PLCG2: variants seen among roughly 807,000 people sequenced by gnomAD.
PLCG2 encodes the protein 1-phosphatidylinositol 4,5-bisphosphate phosphodiesterase gamma-2.
In PLCG2, 69 loss-of-function variants were observed where a neutral mutation model predicts 175.6. The ratio of observed to expected loss-of-function variants is 0.39; its 90% confidence interval spans 0.32 to 0.48. The LOEUF is 0.48. Ranked by LOEUF, PLCG2 falls within the 20% of genes least tolerant of loss-of-function variation. The probability of loss-of-function intolerance (pLI) is 0.91; values close to 1 mark genes in which losing one functional copy is unlikely to be tolerated. For synonymous variants in PLCG2, 827 were observed against 624.0 expected, an observed-to-expected ratio of 1.33 and a Z score of -4.85; for missense variants, 1,798 against 1,650.9, an observed-to-expected ratio of 1.09 and a Z score of -1.54.
In PLCG2 at chr16:81,939,971, T is replaced by A. The variant is rs754374903; in HGVS notation, c.3393T>A (p.Phe1131Leu). The change falls in exon 30 of 33, where the codon TTT becomes TTA. Residue 1131 changes from phenylalanine (F) to leucine (L), a missense_variant. Physicochemically the swap from Phe to Leu is conservative, Grantham distance 22. Coordinates refer to ENST00000564138, the MANE Select transcript of PLCG2 (RefSeq NM_002661.5). The stretch of plus-strand genomic sequence containing the variant: ...AAATTTATGACCCAAACCTGGCATT[T>A]CTGCGCTTTGTGGTTTATGAAGAAG... Reference protein sequence around the residue: ...TFEIYDPNLAFLRFVVYEEDM... With the variant: ...TFEIYDPNLALLRFVVYEEDM... The A allele has an allele frequency of 5.0e-6, 8 of 1,614,086 alleles. No individual in the cohort carries two copies. Among genetic ancestry groups the A allele is most frequent in the Middle Eastern group, 1.6e-4 (1 of 6,062 alleles).
intron 13 of PLCG2, among the ~76,000 whole-genome samples, chr16:81,899,180 T>TC (rs1471069100): frequency 1.3e-5 from 2 of 151,326 alleles, no homozygotes; most frequent in East Asian, 3.9e-4. Context: ...TGAGTGAAAC[T>TC]CCATTTCCAA....
chr16:81,931,729 G>A, intron 25 of PLCG2, 75 bp downstream of exon 25: 1 of 1,373,254 alleles, frequency 7.3e-7, no homozygotes, highest in South Asian at 1.2e-5. Flanking sequence ...GACTGTGGGT[G>A]GGTCCAGGCA....
chr16:81,911,709 C>G (rs1909631429), intron 18 of PLCG2, among the ~76,000 whole-genome samples: 2 of 150,772 alleles, frequency 1.3e-5, no homozygotes, highest in African/African-American at 4.9e-5. Context: ...CTCCCAGGTT[C>G]AAGAGATTCT....
rs1906949238 is a variant in PLCG2 at position 81,860,935 on chromosome 16, C to T, written c.479+1772C>T. Reference sequence around the variant, plus strand: ...GAGGTTGCAGTGAGCCGAGATCGCGCCACTCTACTGTGGCCTGGGTGACAG... The same window carrying T: ...GAGGTTGCAGTGAGCCGAGATCGCGTCACTCTACTGTGGCCTGGGTGACAG... On this transcript the variant is annotated intron_variant, in intron 5 of 32. Coordinates refer to ENST00000564138, the MANE Select transcript of PLCG2 (RefSeq NM_002661.5). Among the ~76,000 whole-genome samples the T allele has an allele frequency of 2.0e-5, 3 of 152,058 alleles. 1 individual carries two copies. In the South Asian group the frequency reaches 6.2e-4, roughly 32 times the overall value.
chr16:81,755,820 C>G (rs749637906), intron 1 of PLCG2: 1 of 152,324 alleles, frequency 6.6e-6, no homozygotes, highest in South Asian at 2.1e-4. Flanking sequence ...GCCACTGCAC[C>G]CAGCCTCAGC....
chr16:81,795,100 A>C (rs900711366), intron 2 of PLCG2, among the ~76,000 whole-genome samples: 1 of 152,240 alleles, frequency 6.6e-6, no homozygotes, highest in Non-Finnish European at 1.5e-5. Context: ...TGTGTTGGGC[A>C]ATGTGCTTGT....
chr16:81,839,152 C>A (rs1451955493), intron 2 of PLCG2, among the ~76,000 whole-genome samples: 1 of 151,772 alleles, frequency 6.6e-6, no homozygotes, highest in African/African-American at 2.4e-5. Context: ...TTTCTTTTTG[C>A]CAAAAACATA....
At chr16:81,941,279 TC>T (rs1255399684) in intron 30 of PLCG2, among the ~76,000 whole-genome samples, 2 of 152,176 alleles carry the variant, frequency 1.3e-5, no homozygotes, top group Non-Finnish European at 2.9e-5. Flanking sequence ...GTAATCATAA[TC>T]CCAGCTACTT....
intron 2 of PLCG2, among the ~76,000 whole-genome samples, chr16:81,795,622 G>A (rs889857705): frequency 6.6e-6 from 1 of 152,174 alleles, no homozygotes; most frequent in Admixed American, 6.5e-5. Flanking sequence ...GGAAGAGGAA[G>A]AGCAGAGGAT....
intron 9 of PLCG2, 181 bp downstream of exon 9, chr16:81,883,522 G>T: frequency 1.7e-6 from 1 of 605,904 alleles, no homozygotes; most frequent in Non-Finnish European, 3.0e-6. Context: ...ACTTCAGATT[G>T]CTGTCTGATG....
rs144978760 is a variant in PLCG2, at chr16:81,803,065, G to C, written c.193+16883G>C. On this transcript the variant is annotated intron_variant, in intron 2 of 32. Transcript: ENST00000564138. ...CAAATCTACTTTTTGCCTTTACAGA[G>C]TTTCCTATTCTGGACATTTCTCACA... Among the ~76,000 whole-genome samples the C allele has an allele frequency of 6.2e-4, 93 of 149,010 alleles. 1 individual carries two copies. The East Asian group carries it at 0.018, about 28-fold the overall frequency.
chr16:81,762,517 C>T (rs749220060), intron 2 of PLCG2, among the ~76,000 whole-genome samples: 6 of 150,608 alleles, frequency 4.0e-5, no homozygotes, highest in Non-Finnish European at 5.9e-5. Flanking sequence ...TACAGTGAGC[C>T]AAGATTGCAT....
intron 4 of PLCG2, 67 bp from the exon 5 acceptor site, chr16:81,859,049 C>T (rs1906829006): frequency 2.1e-6 from 2 of 949,500 alleles, no homozygotes; most frequent in African/African-American, 1.6e-5. Context: ...CCGTAGGACT[C>T]ACTTAGACTT....
In PLCG2 at chr16:81,960,650, T is replaced by C. The variant is rs1030980582; in HGVS notation, c.*2652T>C. ...GAATCTTTTTGCCAGAAGTGTCTCA[T>C]GGGACTTATCTATAGTGGAACACAT... is the stretch of plus-strand genomic sequence containing the variant. On this transcript the variant is annotated 3_prime_UTR_variant, in exon 33 of 33. Coordinates refer to ENST00000564138, the MANE Select transcript of PLCG2 (RefSeq NM_002661.5). 3 of 230,782 alleles carry C rather than the reference T, an allele frequency of 1.3e-5. No individual in the cohort carries two copies. The East Asian group carries it at 1.8e-4, about 14-fold the overall frequency. 14.3% of individuals were successfully genotyped at this position (230,782 alleles called of 1,614,324 possible).
intron 2 of PLCG2, among the ~76,000 whole-genome samples, chr16:81,830,515 C>T (rs140604145): frequency 0.012 from 1,837 of 152,086 alleles, 56 homozygotes; most frequent in African/African-American, 0.042. Context: ...CCACGTTGGC[C>T]ATGCTGGTCT....
intron 11 of PLCG2, among the ~76,000 whole-genome samples, chr16:81,892,097 AAGG>A (rs1908664346): frequency 6.6e-6 from 1 of 152,152 alleles, no homozygotes; most frequent in Non-Finnish European, 1.5e-5. Flanking sequence ...GTGGTAAGGC[AAGG>A]AGAAGTGTTT....
chr16:81,790,676 A>G (rs757841566), intron 2 of PLCG2, among the ~76,000 whole-genome samples: 1 of 152,154 alleles, frequency 6.6e-6, no homozygotes, highest in Non-Finnish European at 1.5e-5. Context: ...TGACTTTTGG[A>G]CAGGTGTTAC....
chr16:81,942,374 C>A (rs4485363), intron 30 of PLCG2, among the ~76,000 whole-genome samples: 1 of 152,240 alleles, frequency 6.6e-6, no homozygotes, highest in African/African-American at 2.4e-5. Context: ...ATGTGACCTT[C>A]TCCTCCCCCG....
At chr16:81,935,711 C>G (rs1164408908) in intron 26 of PLCG2, 1 of 985,196 alleles carries the variant, frequency 1.0e-6, no homozygotes, top group Non-Finnish European at 1.2e-6. Flanking sequence ...TCCTCCTGTT[C>G]TCCCTTCCCT....
Sources: gnomAD v4.1 joint callset for allele counts (sites outside exome capture counted in the v4.1 genomes callset) on GRCh38, gnomAD v4.1.1 for gene constraint, MANE v1.5 for transcripts, NCBI Gene and HGNC (gene_info 2026-07-23, HGNC 2026-07-21) for gene names.